SASS6: variants seen among roughly 807,000 people sequenced by gnomAD.
The protein encoded by SASS6 is SAS-6 centriolar assembly protein.
Under a neutral mutation model 94.9 loss-of-function variants are expected in SASS6, and 59 were observed. That is an observed-to-expected ratio of 0.62 (90% CI 0.50 to 0.77). The LOEUF is 0.77. Among genes scored for constraint, SASS6 ranks in the 30% least tolerant of loss-of-function variants. The pLI is 0.00. For missense variants in SASS6, 698 were observed against 734.1 expected (o/e 0.95, Z 0.57); for synonymous variants, 264 against 270.0 (o/e 0.98, Z 0.22).
rs1007529386 is a variant in SASS6 at position 100,084,177 on chromosome 1, T to C, written c.*1151A>G. On this transcript the variant is annotated 3_prime_UTR_variant, in exon 17 of 17. Coordinates refer to ENST00000287482, the MANE Select transcript of SASS6 (RefSeq NM_194292.3). ...AAAAAAATTAGCAAAGATTCTTTCTTACCATGGGACTCAGTAATGTTATTA... is the reference window on the plus strand; with the variant it reads ...AAAAAAATTAGCAAAGATTCTTTCTCACCATGGGACTCAGTAATGTTATTA... 2 of 151,984 alleles carry C rather than the reference T, an allele frequency of 1.3e-5. No homozygotes were observed. Among genetic ancestry groups the C allele is most frequent in the African/African-American group, 4.8e-5 (2 of 41,438 alleles). The allele number at this position is 151,984 out of a possible 1,614,324, so 9.4% of individuals were successfully genotyped here.
chr1:100,116,904 G>A (rs1653834242), intron 7 of SASS6, among the ~76,000 whole-genome samples: 1 of 152,022 alleles, frequency 6.6e-6, no homozygotes, highest in Non-Finnish European at 1.5e-5. Context: ...ATCTTAATTT[G>A]GGTGAAAGTT....
intron 14 of SASS6, among the ~76,000 whole-genome samples, chr1:100,091,169 G>A (rs1651654335): frequency 6.6e-6 from 1 of 152,102 alleles, no homozygotes; most frequent in South Asian, 2.1e-4. Flanking sequence ...ACTGGGGGTG[G>A]TGGTGCACAT....
chr1:100,086,900 A>G (rs2101634874), intron 15 of SASS6, among the ~76,000 whole-genome samples: 1 of 152,322 alleles, frequency 6.6e-6, no homozygotes, highest in Non-Finnish European at 1.5e-5. Context: ...ACAGGAATTC[A>G]AGGTGCTCTC....
intron 13 of SASS6, among the ~76,000 whole-genome samples, chr1:100,105,400 G>A (rs550786683): frequency 7.2e-5 from 11 of 152,118 alleles, no homozygotes; most frequent in South Asian, 6.2e-4. Flanking sequence ...GGTGGTGGGC[G>A]CCTATAGTCC....
At chr1:100,095,519 A>G (rs1320894556) in intron 14 of SASS6, among the ~76,000 whole-genome samples, 1 of 152,214 alleles carries the variant, frequency 6.6e-6, no homozygotes, top group Non-Finnish European at 1.5e-5. Context: ...GGTGACACTA[A>G]GACTCTGTCT....
intron 2 of SASS6, 63 bp from the exon 3 acceptor site, chr1:100,123,352 C>A: frequency 1.3e-6 from 1 of 771,868 alleles, no homozygotes; most frequent in Non-Finnish European, 2.2e-6. Flanking sequence ...GTAATTTCTT[C>A]TCAGAAGTAA....
At chr1:100,121,235 T>C in intron 5 of SASS6, 143 bp downstream of exon 5, 1 of 546,816 alleles carries the variant, frequency 1.8e-6, no homozygotes, top group Non-Finnish European at 3.1e-6. Context: ...CTTGACTAAA[T>C]AAGAAACAGT....
rs759691684 is a variant in SASS6 at position 100,084,883 on chromosome 1, C to T, written c.*445G>A. 41 of 153,544 alleles carry T rather than the reference C, an allele frequency of 2.7e-4. No individual in the cohort carries two copies. The highest frequency in any genetic ancestry group is 5.8e-4 in the Non-Finnish European group (40 of 69,082). The allele number at this position is 153,544 out of a possible 1,614,324, so 9.5% of individuals were successfully genotyped here. A position where few individuals can be genotyped will look rare whatever the true frequency, so the allele number is the denominator to read the frequency against. The stretch of plus-strand genomic sequence containing the variant: ...TATATCTCAAGAGGTAATCATTTTC[C>T]CTCATGATTTTCAGGTGTTGAATTT... On this transcript the variant is annotated 3_prime_UTR_variant, in exon 17 of 17. Coordinates refer to ENST00000287482, the MANE Select transcript of SASS6 (RefSeq NM_194292.3).
At chr1:100,130,689 G>GAAAA (rs369101016) in intron 1 of SASS6, among the ~76,000 whole-genome samples, 1 of 135,178 alleles carries the variant, frequency 7.4e-6, no homozygotes, top group Non-Finnish European at 1.6e-5. Context: ...ACTCTGTCTA[G>GAAAA]AAAAAAAAAA....
intron 15 of SASS6, among the ~76,000 whole-genome samples, chr1:100,086,068 T>A (rs1163964686): frequency 2.6e-5 from 4 of 151,402 alleles, no homozygotes; most frequent in Admixed American, 6.6e-5. Flanking sequence ...TTAACACACA[T>A]TACACAATAA....
At chr1:100,125,224 T>A (rs1217547983) in intron 2 of SASS6, among the ~76,000 whole-genome samples, 1 of 131,940 alleles carries the variant, frequency 7.6e-6, no homozygotes, top group African/African-American at 3.0e-5. Context: ...AAGGCAGCAG[T>A]GTGTGTGTGT....
At chr1:100,089,316 A>G (rs1397353867) in intron 14 of SASS6, among the ~76,000 whole-genome samples, 2 of 152,154 alleles carry the variant, frequency 1.3e-5, no homozygotes, top group African/African-American at 4.8e-5. Flanking sequence ...AACACCAAAA[A>G]AGAGAACAAA....
rs188051646 is a variant in SASS6, at chr1:100,121,162, G to T, written c.483+216C>A. Among the ~76,000 whole-genome samples the T allele has an allele frequency of 5.0e-3, 759 of 151,838 alleles. 9 individuals are homozygous for T. The highest frequency in any genetic ancestry group is 7.5e-3 in the Non-Finnish European group (507 of 67,946). The stretch of plus-strand genomic sequence containing the variant: ...TTAAGTGACCTGTCCAAAATCACAC[G>T]ATTGGTAAAAACCCTGAGACCTAAG... On this transcript the variant is annotated intron_variant, in intron 5 of 16. Transcript: ENST00000287482.
Position 100,108,082 on chromosome 1 carries a change from C to A in SASS6, c.862-78G>T, listed in dbSNP as rs1466889116. 3 of 762,138 alleles carry A rather than the reference C, an allele frequency of 3.9e-6. No homozygotes were observed. In the African/African-American group the frequency reaches 5.4e-5, roughly 14 times the overall value. 47.2% of individuals were successfully genotyped at this position (762,138 alleles called of 1,614,324 possible). A position where few individuals can be genotyped will look rare whatever the true frequency, so the allele number is the denominator to read the frequency against. Reference sequence around the variant, plus strand: ...ATCTGGTTATTTATAATTAAGATGTCTAACATATTAAAAAAAAGTCTTTAA... The same window carrying A: ...ATCTGGTTATTTATAATTAAGATGTATAACATATTAAAAAAAAGTCTTTAA... On this transcript the variant is annotated intron_variant, in intron 8 of 16. Coordinates refer to ENST00000287482, the MANE Select transcript of SASS6 (RefSeq NM_194292.3).
chr1:100,124,842 T>C (rs1370859727), intron 2 of SASS6, among the ~76,000 whole-genome samples: 1 of 152,190 alleles, frequency 6.6e-6, no homozygotes, highest in African/African-American at 2.4e-5. Flanking sequence ...ATAAGGAGCA[T>C]ACAGCTGAGA....
At position 100,107,963 on chromosome 1, in the gene SASS6, T is replaced by A; in HGVS notation, c.903A>T (p.Arg301Ser). The change falls in exon 9 of 17, where the codon AGA (arginine) becomes AGT (serine). Residue 301 changes from arginine (R) to serine (S), a missense_variant. Arg to Ser is a moderately radical substitution (Grantham distance 110). Coordinates refer to ENST00000287482, the MANE Select transcript of SASS6 (RefSeq NM_194292.3). ...ATTCAACATCTAGTGTAGAATTCTC[T>A]CTTCGCAAAGAGAGGACTTCTTGCT... is the stretch of plus-strand genomic sequence containing the variant. ...RTKQEVLSLRRENSTLDVECH... is the reference protein window; with the variant it reads ...RTKQEVLSLRSENSTLDVECH... 1.2e-6 allele frequency: 2 copies of A among 1,612,542 alleles called. No individual in the cohort carries two copies. Among genetic ancestry groups the A allele is most frequent in the Non-Finnish European group, 1.7e-6 (2 of 1,179,166 alleles).
At position 100,100,127 on chromosome 1, in the gene SASS6, G is replaced by A. The variant is rs200572865; in HGVS notation, c.1674+2828C>T. Among the ~76,000 whole-genome samples the A allele has an allele frequency of 3.9e-5, 6 of 152,184 alleles. No individual in the cohort carries two copies. In the East Asian group the frequency reaches 1.2e-3, roughly 29 times the overall value. On this transcript the variant is annotated intron_variant, in intron 14 of 16. Transcript: ENST00000287482. Reference sequence around the variant, plus strand: ...CTAAAAATACAAAAATTAGCCAGGTGTGGTGCTGCACACCTGTAATCTCAG... The same window carrying A: ...CTAAAAATACAAAAATTAGCCAGGTATGGTGCTGCACACCTGTAATCTCAG...
intron 15 of SASS6, among the ~76,000 whole-genome samples, chr1:100,087,048 A>G (rs1557877349): frequency 6.6e-6 from 1 of 152,188 alleles, no homozygotes; most frequent in East Asian, 1.9e-4. Flanking sequence ...CAGTGGCACA[A>G]TATCGGCTCA....
At chr1:100,091,102 T>C (rs1268610274) in intron 14 of SASS6, among the ~76,000 whole-genome samples, 1 of 152,030 alleles carries the variant, frequency 6.6e-6, no homozygotes, top group Non-Finnish European at 1.5e-5. Context: ...GCCAGAAGTT[T>C]GAGACCAGCC....
Sources: allele counts gnomAD v4.1 joint callset (sites outside exome capture counted in the v4.1 genomes callset), GRCh38; gene constraint gnomAD v4.1.1; transcripts MANE v1.5; gene names NCBI Gene and HGNC (gene_info 2026-07-23, HGNC 2026-07-21).